LTBP3: variants seen among roughly 807,000 people sequenced by gnomAD.
The protein encoded by LTBP3 is latent-transforming growth factor beta-binding protein 3.
A neutral mutation model predicts 159.7 loss-of-function variants in LTBP3; 97 were observed. The observed-to-expected ratio is 0.61, with a 90% CI of 0.52 to 0.72. The LOEUF is 0.72. Among genes scored for constraint, LTBP3 ranks in the 30% least tolerant of loss-of-function variants. The pLI is 0.00. For missense variants in LTBP3, 1,584 were observed against 1,864.3 expected (o/e 0.85, Z 2.77); for synonymous variants, 824 against 777.1 (o/e 1.06, Z -1.00).
intron 16 of LTBP3, 58 bp from the exon 17 acceptor site, chr11:65,543,607 T>C: frequency 1.2e-6 from 2 of 1,610,532 alleles, no homozygotes; most frequent in Non-Finnish European, 1.7e-6. Flanking sequence ...TTTCTACTAC[T>C]GTTTTCTCAC....
At position 65,558,142 on chromosome 11, in the gene LTBP3, C is replaced by T. The variant is rs1856880056; in HGVS notation, c.-183G>A. The T allele has an allele frequency of 9.3e-7, 1 of 1,078,616 alleles. No homozygotes were observed. The highest frequency in any genetic ancestry group is 1.1e-6 in the Non-Finnish European group (1 of 889,178). The allele number at this position is 1,078,616 out of a possible 1,614,324, so 66.8% of individuals were successfully genotyped here. ...GGGAGGCGCGGAGATGCAGACTGGA[C>T]AGCGGGGAGCGCAGAAACTTCCCAG... On this transcript the variant is annotated 5_prime_UTR_variant, in exon 1 of 28. Coordinates refer to ENST00000301873, the MANE Select transcript of LTBP3 (RefSeq NM_001130144.3).
chr11:65,539,993 A>T lies in LTBP3; in HGVS notation c.3385+20T>A, dbSNP rs1856010525. ...ACGGACAGGGCCCCGGGATCGGCCAAGGCCAACCCTCGCCCTCACCGGCCG... is the reference window on the plus strand; with the variant it reads ...ACGGACAGGGCCCCGGGATCGGCCATGGCCAACCCTCGCCCTCACCGGCCG... On this transcript the variant is annotated intron_variant, in intron 24 of 27. Transcript: ENST00000301873. The T allele has an allele frequency of 7.5e-6, 11 of 1,475,008 alleles. No homozygotes were observed. Among genetic ancestry groups the T allele is most frequent in the Non-Finnish European group, 9.8e-6 (11 of 1,119,526 alleles). 91.4% of individuals were successfully genotyped at this position (1,475,008 alleles called of 1,614,324 possible).
intron 18 of LTBP3, chr11:65,541,965 C>T (rs1856154182): frequency 2.0e-6 from 1 of 510,932 alleles, no homozygotes; most frequent in Admixed American, 3.0e-5. Context: ...TATCAGAAGC[C>T]CAAATGGAAA....
chr11:65,538,891 G>T lies in LTBP3; in HGVS notation c.*189C>A. Reference sequence around the variant, plus strand: ...AGGAAGGCAGGCAGCGCCCGCCGGAGACCTTACAACCGCCCGCTAACCGGG... The same window carrying T: ...AGGAAGGCAGGCAGCGCCCGCCGGATACCTTACAACCGCCCGCTAACCGGG... On this transcript the variant is annotated 3_prime_UTR_variant, in exon 28 of 28. Transcript: ENST00000301873. The T allele has an allele frequency of 8.8e-7, 1 of 1,136,838 alleles. No homozygotes were observed. The highest frequency in any genetic ancestry group is 1.2e-6 in the Non-Finnish European group (1 of 865,762). 70.4% of individuals were successfully genotyped at this position (1,136,838 alleles called of 1,614,324 possible). A position where few individuals can be genotyped will look rare whatever the true frequency, so the allele number is the denominator to read the frequency against.
chr11:65,540,047 G>A lies in LTBP3; in HGVS notation c.3351C>T (p.Ser1117=), dbSNP rs907434061. The change falls in exon 24 of 28, where the codon TCC becomes TCT. Residue 1117 remains serine (S), a synonymous_variant. Coordinates refer to ENST00000301873, the MANE Select transcript of LTBP3 (RefSeq NM_001130144.3). Reference sequence around the variant, plus strand: ...TCTCGGGGAGCTGGCAATCGCGGCCGGAGGGCCCGGGCACCCAGGGCGGGC... The same window carrying A: ...TCTCGGGGAGCTGGCAATCGCGGCCAGAGGGCCCGGGCACCCAGGGCGGGC... The part of the protein sequence containing the change: ...ECRPPWVPGP[S]GRDCQLPESP... 4 of 1,517,178 alleles carry A rather than the reference G, an allele frequency of 2.6e-6. No individual in the cohort carries two copies. The highest frequency in any genetic ancestry group is 2.0e-5 in the Admixed American group (1 of 49,308). 94.0% of individuals were successfully genotyped at this position (1,517,178 alleles called of 1,614,324 possible). A position where few individuals can be genotyped will look rare whatever the true frequency, so the allele number is the denominator to read the frequency against.
intron 1 of LTBP3, among the ~76,000 whole-genome samples, chr11:65,555,408 C>T (rs911703218): frequency 2.0e-5 from 3 of 151,930 alleles, no homozygotes; most frequent in Non-Finnish European, 4.4e-5. Flanking sequence ...ACAACAGGGC[C>T]CCAGGTCCCC....
Position 65,541,167 on chromosome 11 carries a change from C to T in LTBP3, c.2852G>A (p.Gly951Asp). The T allele has an allele frequency of 1.2e-6, 2 of 1,600,958 alleles. No individual in the cohort carries two copies. The highest frequency in any genetic ancestry group is 1.7e-6 in the Non-Finnish European group (2 of 1,174,782). ...GCAGGGGTAGATTTCGCAGTGGTCG[C>T]CCCAGCCGGCCCCCAGAGAGCAGCA... ...ECCCSLGAGWGDHCEIYPCPV... is the reference protein window; with the variant it reads ...ECCCSLGAGWDDHCEIYPCPV... Residue 951 changes from glycine (G) to aspartate (D), a missense_variant, in exon 20 of 28, where the codon GGC becomes GAC. This residue lies in a region of LTBP3 where 565 missense variants were observed against 677.7 expected (regional missense o/e 0.83). Transcript: ENST00000301873.
intron 19 of LTBP3, 26 bp downstream of exon 19, chr11:65,541,574 G>A (rs375941387): frequency 1.5e-5 from 25 of 1,613,876 alleles, no homozygotes; most frequent in African/African-American, 1.3e-5. Flanking sequence ...TGTCCAGTCC[G>A]AGGGAGGAGC....
intron 1 of LTBP3, 106 bp downstream of exon 1, chr11:65,557,523 C>T: frequency 1.3e-6 from 2 of 1,523,592 alleles, no homozygotes; most frequent in South Asian, 1.1e-5. Context: ...GATCTCTGCC[C>T]TTTATACCCT....
At chr11:65,548,256 C>T (rs367657930) in intron 11 of LTBP3, 2 of 688,910 alleles carry the variant, frequency 2.9e-6, no homozygotes, top group Admixed American at 2.3e-5. Flanking sequence ...CCCTGACAGC[C>T]GTATCACCCC....
At chr11:65,548,103 C>A in intron 11 of LTBP3, 58 bp from the exon 12 acceptor site, 2 of 1,611,196 alleles carry the variant, frequency 1.2e-6, no homozygotes, top group East Asian at 2.2e-5. Context: ...CTGCCATATC[C>A]CCAGGGCAGA....
chr11:65,554,916 G>A lies in LTBP3; in HGVS notation c.332-536C>T, dbSNP rs1261497272. Among the ~76,000 whole-genome samples the A allele has an allele frequency of 6.6e-6, 1 of 151,734 alleles. No homozygotes were observed. Among genetic ancestry groups the A allele is most frequent in the Non-Finnish European group, 1.5e-5 (1 of 67,940 alleles). The stretch of plus-strand genomic sequence containing the variant: ...ATCCTGGGGCGCCCACCTCACCACT[G>A]CCAAAGATGTCCACATCTCAAGACA... On this transcript the variant is annotated intron_variant, in intron 1 of 27. Transcript: ENST00000301873. The surrounding 1 kb of genome is among the most constrained non-coding windows in gnomAD (Gnocchi z 5.3).
intron 1 of LTBP3, among the ~76,000 whole-genome samples, chr11:65,556,846 C>T (rs923309447): frequency 3.3e-5 from 5 of 152,122 alleles, no homozygotes; most frequent in African/African-American, 9.7e-5. Context: ...GCTGGGACAC[C>T]TCCCCGAGCC....
chr11:65,542,976 A>G lies in LTBP3; in HGVS notation c.2596+129T>C, dbSNP rs60514964. 1,205 of 943,500 alleles carry G rather than the reference A, an allele frequency of 1.3e-3. 12 individuals are homozygous for G. In the African/African-American group the frequency reaches 0.016, roughly 12 times the overall value. 58.4% of individuals were successfully genotyped at this position (943,500 alleles called of 1,614,324 possible). ...TGGATGGATGGATGGATGGATGGAT[A>G]GATGGATGGATGGATGGATGAAGGA... On this transcript the variant is annotated intron_variant, in intron 18 of 27. Transcript: ENST00000301873.
In LTBP3 at chr11:65,551,469, C is replaced by T; in HGVS notation, c.1554G>A (p.Val518=). 1 of 1,614,062 alleles carries T rather than the reference C, an allele frequency of 6.2e-7. No individual in the cohort carries two copies. Among genetic ancestry groups the T allele is most frequent in the South Asian group, 1.1e-5 (1 of 91,088 alleles). ...TCTGCTGCACTGACCTCTCCTCACTCACCGGCTGCGGGTGACAGCAGCATG... is the reference window on the plus strand; with the variant it reads ...TCTGCTGCACTGACCTCTCCTCACTTACCGGCTGCGGGTGACAGCAGCATG... ...EERGVTTDSP[V]SEERSVQQSH... is the part of the protein sequence containing the mutation. The change falls in exon 10 of 28, where the codon GTG becomes GTA. Residue 518 remains valine (V), a synonymous_variant. Coordinates refer to ENST00000301873, the MANE Select transcript of LTBP3 (RefSeq NM_001130144.3).
chr11:65,547,735 G>C lies in LTBP3; in HGVS notation c.1933C>G (p.Arg645Gly), dbSNP rs1856437528. Reference protein sequence around the residue: ...TGGSYNCHCNRGYRLHVGAGG... With the variant: ...TGGSYNCHCNGGYRLHVGAGG... ...GCGCCCACGTGCAGGCGGTAGCCGC[G>C]GTTGCAGTGGCAATTGTAGGAGCCG... Residue 645 changes from arginine (R) to glycine (G), a missense_variant, in exon 13 of 28, where the codon CGC (arginine) becomes GGC (glycine). Physicochemically the swap from Arg to Gly is moderately radical, Grantham distance 125 (BLOSUM62 -2). Around this residue, in one of 6 missense-constraint regions of LTBP3, gnomAD observed 565 missense variants for 677.7 expected, o/e 0.83. Coordinates refer to ENST00000301873, the MANE Select transcript of LTBP3 (RefSeq NM_001130144.3). This position sits in a 1 kb window ranked among gnomAD's most constrained non-coding sequence, Gnocchi z 4.6. The C allele has an allele frequency of 6.2e-7, 1 of 1,607,758 alleles. No homozygotes were observed. The highest frequency in any genetic ancestry group is 8.5e-7 in the Non-Finnish European group (1 of 1,177,928).
chr11:65,553,157 G>A lies in LTBP3; in HGVS notation c.1063+7C>T, dbSNP rs1400972318. 6.2e-7 allele frequency: 1 copy of A among 1,613,848 alleles called. No homozygotes were observed. The highest frequency in any genetic ancestry group is 8.5e-7 in the Non-Finnish European group (1 of 1,179,776). Reference sequence around the variant, plus strand: ...TCCAGCCCACAGAATCTCCTAGCTGGCCATACCCTGGCAGTGGGTGCTGTT... The same window carrying A: ...TCCAGCCCACAGAATCTCCTAGCTGACCATACCCTGGCAGTGGGTGCTGTT... On this transcript the variant is annotated splice_region_variant and intron_variant, in intron 5 of 27. Transcript: ENST00000301873. The surrounding 1 kb of genome is among the most constrained non-coding windows in gnomAD (Gnocchi z 6.5).
intron 19 of LTBP3, 35 bp downstream of exon 19, chr11:65,541,565 G>C: frequency 3.1e-6 from 5 of 1,613,896 alleles, no homozygotes; most frequent in Non-Finnish European, 3.4e-6. Context: ...CAGGGGAGTT[G>C]TCCAGTCCGA....
rs893256135 is a variant in LTBP3 at position 65,539,624 on chromosome 11, G to A, written c.3552C>T (p.Ser1184=). ...CRPCPPRGAG[S]HCPTSQSESN... ...TCTCGCTCTGCGATGTCGGGCAATGGGACCCTGGGAGGAGCAGAACTGGTC... is the reference window on the plus strand; with the variant it reads ...TCTCGCTCTGCGATGTCGGGCAATGAGACCCTGGGAGGAGCAGAACTGGTC... The change falls in exon 26 of 28, where the codon TCC becomes TCT. Residue 1184 remains serine (S), a synonymous_variant. Coordinates refer to ENST00000301873, the MANE Select transcript of LTBP3 (RefSeq NM_001130144.3). The A allele has an allele frequency of 1.2e-6, 2 of 1,610,078 alleles. No individual in the cohort carries two copies. Among genetic ancestry groups the A allele is most frequent in the African/African-American group, 2.7e-5 (2 of 74,844 alleles).
Sources: allele counts gnomAD v4.1 joint callset (sites outside exome capture counted in the v4.1 genomes callset), GRCh38; gene constraint gnomAD v4.1.1; regional missense constraint gnomAD v4.1.1; non-coding constraint Gnocchi (gnomAD v3.1); transcripts MANE v1.5; gene names NCBI Gene and HGNC (gene_info 2026-07-23, HGNC 2026-07-21).